Variants in ASIC2 observed in about 807,000 individuals in gnomAD.
The protein encoded by ASIC2 is acid sensing ion channel subunit 2.
A neutral mutation model predicts 57.3 loss-of-function variants in ASIC2; 25 were observed. The ratio of observed to expected loss-of-function variants is 0.44; its 90% CI spans 0.32 to 0.61. ASIC2 has a LOEUF of 0.61. ASIC2 is among the 20% of genes least tolerant of loss of function. The pLI, the probability that ASIC2 is intolerant of heterozygous loss-of-function variation, is 0.06. For missense variants in ASIC2, 641 were observed against 738.1 expected (o/e 0.87, Z 1.52); for synonymous variants, 319 against 307.5 (o/e 1.04, Z -0.39).
chr17:33,227,189 G>T (rs1292383235), intron 1 of ASIC2, among the ~76,000 whole-genome samples: 2 of 152,222 alleles, frequency 1.3e-5, no homozygotes, highest in Non-Finnish European at 1.5e-5. Flanking sequence ...AGTGGGGCAG[G>T]CCTGGGCTTA....
At chr17:33,829,903 CTT>C (rs1284793301) in intron 1 of ASIC2, among the ~76,000 whole-genome samples, 2 of 152,150 alleles carry the variant, frequency 1.3e-5, no homozygotes, top group South Asian at 4.2e-4. Flanking sequence ...AATTAATTCT[CTT>C]GTCTATATAA....
At chr17:33,044,600 G>A (rs1225179519) in intron 3 of ASIC2, among the ~76,000 whole-genome samples, 1 of 152,148 alleles carries the variant, frequency 6.6e-6, no homozygotes, top group African/African-American at 2.4e-5. Context: ...GACCTCAAAT[G>A]ATCTGTCTGC....
intron 1 of ASIC2, among the ~76,000 whole-genome samples, chr17:33,567,424 T>C (rs1916271465): frequency 6.6e-6 from 1 of 152,138 alleles, no homozygotes; most frequent in South Asian, 2.1e-4. Context: ...AGAATGTGAA[T>C]TTGGTCTAAG....
chr17:33,643,151 C>G (rs1038109473), intron 1 of ASIC2, among the ~76,000 whole-genome samples: 4 of 149,976 alleles, frequency 2.7e-5, no homozygotes, highest in African/African-American at 7.3e-5. Context: ...CTCATTTCCC[C>G]CCCCCCACAT....
upstream of ASIC2, among the ~76,000 whole-genome samples, chr17:33,294,983 G>T (rs753374989): frequency 4.6e-5 from 7 of 152,192 alleles, no homozygotes; most frequent in Non-Finnish European, 1.0e-4. Context: ...CCGTGTCTTG[G>T]CCAAGGTGGG....
chr17:33,083,868 A>T (rs2092123861), intron 3 of ASIC2, among the ~76,000 whole-genome samples: 1 of 152,046 alleles, frequency 6.6e-6, no homozygotes, highest in South Asian at 2.1e-4. Context: ...TAAGGGTGTT[A>T]TGTTGGGTAG....
chr17:33,148,768 A>G (rs955543539), intron 1 of ASIC2, among the ~76,000 whole-genome samples: 2 of 152,200 alleles, frequency 1.3e-5, no homozygotes, highest in African/African-American at 4.8e-5. Flanking sequence ...AGTTGTATCA[A>G]AGTAATAAGA....
intron 1 of ASIC2, among the ~76,000 whole-genome samples, chr17:34,147,818 G>T (rs3744512): frequency 0.3 from 45,504 of 152,002 alleles, 7,242 homozygotes; most frequent in South Asian, 0.45. Flanking sequence ...TCTAGACTCA[G>T]GTGGTATCGT....
chr17:33,170,006 C>T (rs1905450145), intron 1 of ASIC2, among the ~76,000 whole-genome samples: 1 of 152,164 alleles, frequency 6.6e-6, no homozygotes, highest in Non-Finnish European at 1.5e-5. Flanking sequence ...CAACTGTGTC[C>T]TTGCTAGGAA....
chr17:33,292,066 G>A lies in ASIC2; in HGVS notation c.50C>T (p.Pro17Leu), dbSNP rs1044825739. 2 of 1,090,696 alleles carry A rather than the reference G, an allele frequency of 1.8e-6. No homozygotes were observed. Among genetic ancestry groups the A allele is most frequent in the East Asian group, 1.2e-4 (2 of 16,568 alleles). 67.6% of individuals were successfully genotyped at this position (1,090,696 alleles called of 1,614,324 possible). Residue 17 changes from proline to leucine, a missense_variant, in exon 1 of 10, where the codon CCG becomes CTG. This residue lies in a region of ASIC2 where 382 missense variants were observed against 398.0 expected (regional missense o/e 0.96). Transcript: ENST00000225823. ...CTCGCGGGCCATGCGGAAGCGTCCC[G>A]GGCCGGTGAGCGCGGCTGCGGGCAG... is the stretch of plus-strand genomic sequence containing the variant. ...AGLPAAALTGPGRFRMAREEP... is the reference protein window; with the variant it reads ...AGLPAAALTGLGRFRMAREEP...
chr17:33,550,842 A>AGGGAAAGTGATAGTAGTGATGG (rs1308539686), intron 1 of ASIC2, among the ~76,000 whole-genome samples: 1 of 152,214 alleles, frequency 6.6e-6, no homozygotes, highest in Non-Finnish European at 1.5e-5. Flanking sequence ...GTATAAGCAT[A>AGGGAAAGTGATAGTAGTGATGG]GGGAAAGTGA....
chr17:33,533,658 C>T (rs1874577199), intron 1 of ASIC2: 1 of 152,162 alleles, frequency 6.6e-6, no homozygotes, highest in South Asian at 2.1e-4. Flanking sequence ...ATCAAAATTT[C>T]AGAGTTGTAG....
At chr17:33,092,045 G>T (rs1449821147) in intron 2 of ASIC2, among the ~76,000 whole-genome samples, 1 of 152,314 alleles carries the variant, frequency 6.6e-6, no homozygotes, top group East Asian at 1.9e-4. Context: ...AGAGCTGAGG[G>T]GGTGACGAGA....
chr17:34,093,132 A>G (rs1353568949), intron 1 of ASIC2, among the ~76,000 whole-genome samples: 1 of 152,180 alleles, frequency 6.6e-6, no homozygotes, highest in Non-Finnish European at 1.5e-5. Context: ...TTATTTTCCC[A>G]AAGTTTTTCT....
intron 1 of ASIC2, among the ~76,000 whole-genome samples, chr17:33,527,964 G>C (rs565929393): frequency 1.2e-4 from 18 of 152,228 alleles, no homozygotes; most frequent in African/African-American, 4.1e-4. Context: ...GGAAGAAGAT[G>C]GAACTTCATG....
At position 33,466,236 on chromosome 17, in the gene ASIC2, G is replaced by A. The variant is rs543161118; in HGVS notation, c.556-354169C>T. Among the ~76,000 whole-genome samples the A allele has an allele frequency of 3.2e-3, 482 of 152,126 alleles. 1 individual carries two copies. The highest frequency in any genetic ancestry group is 0.011 in the African/African-American group (452 of 41,502). The stretch of plus-strand genomic sequence containing the variant: ...CCAAATCATGAGTGAACTCCCATTC[G>A]CAATTGCTACAAAGGAAATAAAATA... On this transcript the variant is annotated intron_variant, in intron 1 of 9. Coordinates refer to the ASIC2 transcript ENST00000359872.
intron 1 of ASIC2, among the ~76,000 whole-genome samples, chr17:33,412,369 G>A (rs1268709135): frequency 6.6e-6 from 1 of 152,184 alleles, no homozygotes; most frequent in Non-Finnish European, 1.5e-5. Flanking sequence ...TAACTGCAGA[G>A]GGGTAGAGAG....
At chr17:33,549,026 T>TTTGTCTGTTTCTTGTA (rs1358329532) in intron 1 of ASIC2, among the ~76,000 whole-genome samples, 8 of 152,284 alleles carry the variant, frequency 5.3e-5, no homozygotes, top group Admixed American at 1.3e-4. Context: ...GTTCACTTGT[T>TTTGTCTGTTTCTTGTA]TTGTCTGTTT....
chr17:33,073,952 G>A (rs2092079373), intron 3 of ASIC2, among the ~76,000 whole-genome samples: 2 of 152,112 alleles, frequency 1.3e-5, no homozygotes, highest in African/African-American at 4.8e-5. Flanking sequence ...AGAGGGATCT[G>A]AGGAGAGAGA....
Sources: allele counts gnomAD v4.1 joint callset (sites outside exome capture counted in the v4.1 genomes callset), GRCh38; gene constraint gnomAD v4.1.1; regional missense constraint gnomAD v4.1.1; transcripts MANE v1.5; gene names NCBI Gene and HGNC (gene_info 2026-07-23, HGNC 2026-07-21).